Variants in ARHGAP8 observed in about 807,000 individuals in gnomAD.
The protein encoded by ARHGAP8 is rho GTPase-activating protein 8.
A neutral mutation model predicts 46.1 loss-of-function variants in ARHGAP8; 62 were observed. The ratio of observed to expected loss-of-function variants is 1.34; its 90% CI spans 1.10 to 1.66. The LOEUF (loss-of-function observed/expected upper bound fraction) is 1.66. Among genes scored for constraint, ARHGAP8 ranks in the 40% most tolerant of loss-of-function variants. The probability of loss-of-function intolerance (pLI) is 0.00; values close to 1 mark genes in which losing one functional copy is unlikely to be tolerated. For missense variants in ARHGAP8, 923 were observed against 568.4 expected, an observed-to-expected ratio of 1.62 and a Z score of -6.34; for synonymous variants, 375 against 243.1, an observed-to-expected ratio of 1.54 and a Z score of -5.05.
In ARHGAP8 at chr22:44,862,650, G is replaced by C. The variant is rs1443597562; in HGVS notation, c.*55G>C. 2 of 1,500,260 alleles carry C rather than the reference G, an allele frequency of 1.3e-6. No individual in the cohort carries two copies. The highest frequency in any genetic ancestry group is 1.8e-6 in the Non-Finnish European group (2 of 1,123,292). 92.9% of individuals were successfully genotyped at this position (1,500,260 alleles called of 1,614,324 possible). ...ACCTCCCACACCTGTCTGTGCACTT[G>C]TATGTTTTGTAAACTTGGCATCTGT... is the stretch of plus-strand genomic sequence containing the variant. On this transcript the variant is annotated 3_prime_UTR_variant, in exon 12 of 12. Coordinates refer to ENST00000356099, the MANE Select transcript of ARHGAP8 (RefSeq NM_181335.3).
At chr22:44,859,566 G>A (rs2070362046) in intron 10 of ARHGAP8, 165 bp from the exon 11 acceptor site, 4 of 679,194 alleles carry the variant, frequency 5.9e-6, no homozygotes, top group African/African-American at 1.8e-5. Context: ...CAGGTTTGCT[G>A]AGCAGAGCCA....
chr22:44,795,175 A>T (rs1444287522), intron 2 of ARHGAP8, among the ~76,000 whole-genome samples: 1 of 152,136 alleles, frequency 6.6e-6, no homozygotes, highest in African/African-American at 2.4e-5. Context: ...ATGCAAGACC[A>T]TGGGCTCTGC....
rs747822498 is a variant in ARHGAP8 at position 44,859,721 on chromosome 22, G to A, written c.878-10G>A. The A allele has an allele frequency of 1.6e-5, 25 of 1,612,774 alleles. No homozygotes were observed. Among genetic ancestry groups the A allele is most frequent in the Non-Finnish European group, 1.9e-5 (22 of 1,179,984 alleles). On this transcript the variant is annotated splice_polypyrimidine_tract_variant and intron_variant, in intron 10 of 11. Coordinates refer to ENST00000356099, the MANE Select transcript of ARHGAP8 (RefSeq NM_181335.3). ...TCTGGAGCTCAGCAGGGAGCCCCAT[G>A]CCCTTCCAGGTGTGGAGAGCAGCCT...
At chr22:44,809,117 A>G (rs1398261473) in intron 4 of ARHGAP8, 1 of 470,778 alleles carries the variant, frequency 2.1e-6, no homozygotes, top group Non-Finnish European at 4.4e-6. Context: ...CACCATGCCA[A>G]GCCAACACTC....
intron 7 of ARHGAP8, among the ~76,000 whole-genome samples, chr22:44,836,194 C>T (rs1276043359): frequency 1.3e-5 from 2 of 152,122 alleles, no homozygotes; most frequent in Non-Finnish European, 2.9e-5. Flanking sequence ...CATACCAAAT[C>T]ACAACTCTAA....
intron 5 of ARHGAP8, 56 bp downstream of exon 5, chr22:44,814,814 G>T (rs1402127103): frequency 7.5e-6 from 12 of 1,593,120 alleles, no homozygotes; most frequent in African/African-American, 1.3e-5. Flanking sequence ...ACCCCTCAGG[G>T]TCCATGGGAC....
intron 1 of ARHGAP8, among the ~76,000 whole-genome samples, chr22:44,778,909 C>T (rs1602162322): frequency 2.6e-5 from 4 of 151,354 alleles, no homozygotes; most frequent in African/African-American, 9.7e-5. Flanking sequence ...TCAGAACTCT[C>T]ACACAGATAT....
chr22:44,777,105 C>A, intron 1 of ARHGAP8: 1 of 152,336 alleles, frequency 6.6e-6, no homozygotes. Context: ...CTCCCTAGCA[C>A]GTGTTCCTCA....
chr22:44,825,907 G>C lies in ARHGAP8; in HGVS notation c.596+314G>C, dbSNP rs138549590. ...GTGCTTGCTGCTCCGTGCCTCGTTG[G>C]GGGGGCGCGTGCTGGGTGCCTGGTC... On this transcript the variant is annotated intron_variant, in intron 7 of 11. Transcript: ENST00000356099. Among the ~76,000 whole-genome samples the C allele has an allele frequency of 5.6e-5, 7 of 125,732 alleles. No individual in the cohort carries two copies. The East Asian group carries it at 1.3e-3, about 24-fold the overall frequency. The allele number at this position is 125,732 out of a possible 152,430, so 82.5% of individuals were successfully genotyped here. A position where few individuals can be genotyped will look rare whatever the true frequency, so the allele number is the denominator to read the frequency against.
intron 11 of ARHGAP8, among the ~76,000 whole-genome samples, chr22:44,861,301 TTC>T (rs941626151): frequency 3.3e-5 from 5 of 152,260 alleles, no homozygotes; most frequent in South Asian, 2.1e-4. Flanking sequence ...AGAGACTGAT[TTC>T]TCTCTCTAGC....
intron 10 of ARHGAP8, chr22:44,849,261 C>T (rs1227836296): frequency 4.9e-6 from 5 of 1,027,750 alleles, no homozygotes; most frequent in African/African-American, 3.3e-5. Context: ...TGTCCAAAGG[C>T]AGAGGAGGTG....
intron 10 of ARHGAP8, among the ~76,000 whole-genome samples, chr22:44,859,493 C>T (rs1447064721): frequency 2.0e-5 from 3 of 152,190 alleles, no homozygotes; most frequent in Admixed American, 6.5e-5. Context: ...CCTGTAGAAC[C>T]ATGAGCCAGT....
chr22:44,776,263 C>G (rs1305858546), intron 1 of ARHGAP8, among the ~76,000 whole-genome samples: 1 of 152,050 alleles, frequency 6.6e-6, no homozygotes, highest in Non-Finnish European at 1.5e-5. Flanking sequence ...CCTACCTGAC[C>G]AAAATGGTGA....
intron 2 of ARHGAP8, among the ~76,000 whole-genome samples, chr22:44,798,969 G>C (rs9626563): frequency 0.18 from 27,169 of 152,172 alleles, 2,686 homozygotes; most frequent in East Asian, 0.44. Flanking sequence ...GAAGGTGCAG[G>C]TGTGGGTCTT....
At position 44,859,757 on chromosome 22, in the gene ARHGAP8, G is replaced by A; in HGVS notation, c.904G>A (p.Gly302Ser). Residue 302 changes from glycine (G) to serine (S), a missense_variant, in exon 11 of 12, where the codon GGC (glycine) becomes AGC (serine). Gly to Ser is a moderately conservative substitution (Grantham distance 56, BLOSUM62 0). Coordinates refer to ENST00000356099, the MANE Select transcript of ARHGAP8 (RefSeq NM_181335.3). ...TCVESSLRVTGCRQILRSLPE... is the reference protein window; with the variant it reads ...TCVESSLRVTSCRQILRSLPE... Reference sequence around the variant, plus strand: ...TGTGGAGAGCAGCCTGCGTGTCACTGGCTGCCGCCAGATCTTACGGAGCCT... The same window carrying A: ...TGTGGAGAGCAGCCTGCGTGTCACTAGCTGCCGCCAGATCTTACGGAGCCT... The A allele has an allele frequency of 1.2e-6, 2 of 1,613,706 alleles. No homozygotes were observed. Among genetic ancestry groups the A allele is most frequent in the South Asian group, 1.1e-5 (1 of 91,076 alleles).
intron 10 of ARHGAP8, among the ~76,000 whole-genome samples, chr22:44,852,166 T>TG (rs539024325): frequency 0.012 from 1,330 of 115,136 alleles, 27 homozygotes; most frequent in African/African-American, 0.044. Flanking sequence ...CACTCCAGCC[T>TG]GGGCGACAGA....
intron 9 of ARHGAP8, 116 bp from the exon 10 acceptor site, chr22:44,848,789 ACAGCATCATCCCTAGGACACATGGCTC>A (rs2070023159): frequency 2.1e-6 from 3 of 1,449,990 alleles, no homozygotes; most frequent in Non-Finnish European, 9.2e-7. Flanking sequence ...CTAGGTGGGG[ACAGCATCATCCCTAGGACACATGGCTC>A]CAGCATCAGG....
At chr22:44,776,897 A>T (rs1926467866) in intron 1 of ARHGAP8, among the ~76,000 whole-genome samples, 1 of 151,884 alleles carries the variant, frequency 6.6e-6, no homozygotes, top group African/African-American at 2.4e-5. Context: ...CTCAAGGCCC[A>T]CTGTGCCCTG....
rs147582478 is a variant in ARHGAP8, at chr22:44,845,299, C to G, written c.627C>G (p.Ile209Met). The G allele has an allele frequency of 6.2e-6, 10 of 1,613,918 alleles. No individual in the cohort carries two copies. Among genetic ancestry groups the G allele is most frequent in the Non-Finnish European group, 8.5e-6 (10 of 1,179,988 alleles). ...AAGACAAAAATCAAGGCGAACTCAT[C>G]CCCCCTGTGCTGAGGTTCACAGTGA... ...YLKDKNQGEL[I>M]PPVLRFTVTY... The change falls in exon 8 of 12, where the codon ATC (isoleucine) becomes ATG (methionine). Residue 209 changes from isoleucine (I) to methionine (M), a missense_variant. Transcript: ENST00000356099.
Sources: allele counts gnomAD v4.1 joint callset (sites outside exome capture counted in the v4.1 genomes callset), GRCh38; gene constraint gnomAD v4.1.1; transcripts MANE v1.5; gene names NCBI Gene and HGNC (gene_info 2026-07-23, HGNC 2026-07-21).